The following KCNK10 variants were observed in gnomAD, a reference collection of about 807,000 sequenced individuals.
KCNK10 encodes the protein potassium channel subfamily K member 10.
Under a neutral mutation model 47.7 loss-of-function variants are expected in KCNK10, and 25 were observed. The observed-to-expected ratio is 0.52, with a 90% confidence interval of 0.38 to 0.73. The LOEUF (loss-of-function observed/expected upper bound fraction) is 0.73, where lower values mean the gene tolerates loss of function less well. Among genes scored for constraint, KCNK10 ranks in the 30% least tolerant of loss-of-function variants. The pLI is 0.00. For synonymous variants in KCNK10, 303 were observed against 285.6 expected, an observed-to-expected ratio of 1.06 and a Z score of -0.61; for missense variants, 563 against 714.5, an observed-to-expected ratio of 0.79 and a Z score of 2.42.
intron 1 of KCNK10, among the ~76,000 whole-genome samples, chr14:88,311,878 T>C (rs1403079543): frequency 7.1e-6 from 1 of 141,686 alleles, no homozygotes; most frequent in Non-Finnish European, 1.5e-5. Context: ...GATGAAAGAA[T>C]AGAGGGGAAA....
chr14:88,197,013 G>A (rs145154520), intron 4 of KCNK10, among the ~76,000 whole-genome samples: 330 of 152,264 alleles, frequency 2.2e-3, no homozygotes, highest in African/African-American at 7.7e-3. Context: ...ACATCAGTGA[G>A]AATAGTGAAG....
At chr14:88,250,184 C>T (rs775738917) in intron 2 of KCNK10, among the ~76,000 whole-genome samples, 5 of 152,102 alleles carry the variant, frequency 3.3e-5, no homozygotes, top group African/African-American at 9.7e-5. Context: ...ATTTCCATTA[C>T]CTCTTTAATT....
intron 6 of KCNK10, among the ~76,000 whole-genome samples, chr14:88,187,458 C>T (rs1052720496): frequency 2.8e-4 from 42 of 152,066 alleles, no homozygotes; most frequent in African/African-American, 9.9e-4. Context: ...GTATATTTGT[C>T]TCTATGGATG....
intron 2 of KCNK10, among the ~76,000 whole-genome samples, chr14:88,241,178 G>T (rs145711120): frequency 3.9e-5 from 6 of 152,306 alleles, no homozygotes; most frequent in African/African-American, 1.2e-4. Context: ...GGGCATTTCC[G>T]CAAGGCAGGA....
At chr14:88,254,939 G>T (rs1358453958) in intron 2 of KCNK10, among the ~76,000 whole-genome samples, 1 of 152,180 alleles carries the variant, frequency 6.6e-6, no homozygotes, top group Non-Finnish European at 1.5e-5. Flanking sequence ...CAGGCACTCT[G>T]CTAGGTTCAC....
chr14:88,188,146 G>C (rs750386721), intron 5 of KCNK10, 37 bp from the exon 6 acceptor site: 39 of 1,610,056 alleles, frequency 2.4e-5, no homozygotes, highest in Non-Finnish European at 3.3e-5. Flanking sequence ...CCATGATCTA[G>C]CATATGGTCT....
intron 4 of KCNK10, among the ~76,000 whole-genome samples, chr14:88,218,261 G>A (rs1885688171): frequency 6.6e-6 from 1 of 152,166 alleles, no homozygotes; most frequent in African/African-American, 2.4e-5. Context: ...GTTCTTAAAA[G>A]CCTCTCCTTG....
intron 1 of KCNK10, among the ~76,000 whole-genome samples, chr14:88,320,358 T>C (rs1354771221): frequency 1.3e-5 from 2 of 152,208 alleles, no homozygotes; most frequent in African/African-American, 4.8e-5. Flanking sequence ...TGTGTAAAAT[T>C]TGTCTGTGTT....
intron 1 of KCNK10, among the ~76,000 whole-genome samples, chr14:88,281,296 G>T (rs1887644440): frequency 6.6e-6 from 1 of 152,198 alleles, no homozygotes; most frequent in African/African-American, 2.4e-5. Flanking sequence ...GCCTAGGATA[G>T]TTCATTTTAT....
At chr14:88,320,146 C>T (rs1378412745) in intron 1 of KCNK10, among the ~76,000 whole-genome samples, 1 of 152,086 alleles carries the variant, frequency 6.6e-6, no homozygotes, top group Non-Finnish European at 1.5e-5. Flanking sequence ...CAATCAAGTG[C>T]CAAATGGAAC....
At chr14:88,215,434 TA>T (rs961688986) in intron 4 of KCNK10, among the ~76,000 whole-genome samples, 1 of 152,110 alleles carries the variant, frequency 6.6e-6, no homozygotes, top group African/African-American at 2.4e-5. Flanking sequence ...AGCATGGGAA[TA>T]ATCTCCCCCA....
intron 4 of KCNK10, among the ~76,000 whole-genome samples, chr14:88,193,756 G>A (rs1283983425): frequency 2.6e-5 from 4 of 152,180 alleles, no homozygotes; most frequent in Non-Finnish European, 5.9e-5. Context: ...CTAATGAGCC[G>A]AGATTAGAAT....
At position 88,199,230 on chromosome 14, in the gene KCNK10, T is replaced by C. The variant is rs1282337939; in HGVS notation, c.682-6820A>G. Among the ~76,000 whole-genome samples the C allele has an allele frequency of 2.6e-5, 4 of 152,242 alleles. No individual in the cohort carries two copies. The East Asian group carries it at 7.7e-4, about 29-fold the overall frequency. ...CCACCGTGCCCGGCCCATGATTTTT[T>C]TATTCTAGCAGAAAGCTCAGTGATT... On this transcript the variant is annotated intron_variant, in intron 4 of 6. Transcript: ENST00000319231.
At chr14:88,228,387 T>C (rs1023072625) in intron 3 of KCNK10, among the ~76,000 whole-genome samples, 2 of 152,202 alleles carry the variant, frequency 1.3e-5, no homozygotes, top group Non-Finnish European at 2.9e-5. Flanking sequence ...GCTTACCCTA[T>C]ATGGATGAGG....
At chr14:88,304,713 G>C (rs1394284760) in intron 1 of KCNK10, among the ~76,000 whole-genome samples, 2 of 152,230 alleles carry the variant, frequency 1.3e-5, no homozygotes, top group African/African-American at 2.4e-5. Flanking sequence ...ATGCTGAAGT[G>C]CTATCCAGTG....
rs751562837 is a variant in KCNK10, at chr14:88,263,249, G to A, written c.355C>T (p.Arg119Trp). 10 of 1,614,136 alleles carry A rather than the reference G, an allele frequency of 6.2e-6. No homozygotes were observed. Among genetic ancestry groups the A allele is most frequent in the East Asian group, 2.2e-5 (1 of 44,882 alleles). The change falls in exon 2 of 7, where the codon CGG becomes TGG. Residue 119 changes from arginine to tryptophan, a missense_variant. Coordinates refer to ENST00000319231, the MANE Select transcript of KCNK10 (RefSeq NM_138317.3). Reference protein sequence around the residue: ...TIALEKAEFLRDHVCVSPQEL... With the variant: ...TIALEKAEFLWDHVCVSPQEL... ...TGGGGGCTCACACAGACATGATCCC[G>A]CAGGAATTCCGCCTTCTCCAAGGCG...
intron 1 of KCNK10, among the ~76,000 whole-genome samples, chr14:88,302,721 A>T (rs185981311): frequency 0.011 from 1,605 of 152,216 alleles, 26 homozygotes; most frequent in African/African-American, 0.034. Flanking sequence ...AATAAATAAA[A>T]AAATAAATAA....
chr14:88,289,416 C>T (rs1887831816), intron 1 of KCNK10, among the ~76,000 whole-genome samples: 2 of 152,210 alleles, frequency 1.3e-5, no homozygotes, highest in Admixed American at 6.5e-5. Context: ...CATGCCCTTA[C>T]ACAGTTTTTT....
intron 3 of KCNK10, among the ~76,000 whole-genome samples, chr14:88,234,874 A>T (rs185468923): frequency 5.9e-5 from 9 of 152,342 alleles, no homozygotes; most frequent in Admixed American, 1.3e-4. Flanking sequence ...AGAAGCGGAG[A>T]TTGGACAGAA....
Sources: gnomAD v4.1 joint callset for allele counts (sites outside exome capture counted in the v4.1 genomes callset) on GRCh38, gnomAD v4.1.1 for gene constraint, MANE v1.5 for transcripts, NCBI Gene and HGNC (gene_info 2026-07-23, HGNC 2026-07-21) for gene names.